Variants in SLC9A8 observed in about 807,000 individuals in gnomAD.
SLC9A8 encodes solute carrier family 9 member A8, also known as sodium/hydrogen exchanger 8.
A neutral mutation model predicts 66.6 loss-of-function variants in SLC9A8; 48 were observed. The observed-to-expected ratio is 0.72, with a 90% confidence interval of 0.57 to 0.92. SLC9A8 has a LOEUF of 0.92. Among genes scored for constraint, SLC9A8 ranks in the 40% least tolerant of loss-of-function variants. SLC9A8 has a pLI of 0.00. For synonymous variants in SLC9A8, 274 were observed against 282.6 expected (o/e 0.97, Z 0.31); for missense variants, 599 against 747.3 (o/e 0.80, Z 2.31).
intron 15 of SLC9A8, among the ~76,000 whole-genome samples, chr20:49,887,433 C>T (rs1417839954): frequency 1.3e-5 from 2 of 152,296 alleles, no homozygotes; most frequent in Non-Finnish European, 2.9e-5. Context: ...ACTGTGACCA[C>T]GACCGCTTCC....
intron 15 of SLC9A8, among the ~76,000 whole-genome samples, 167 bp downstream of exon 15, chr20:49,887,065 C>T (rs779614435): frequency 3.9e-5 from 6 of 152,210 alleles, no homozygotes; most frequent in Non-Finnish European, 5.9e-5. Flanking sequence ...TTGTGGAACT[C>T]GGCATCTGCT....
intron 6 of SLC9A8, among the ~76,000 whole-genome samples, chr20:49,850,086 T>C (rs1220987494): frequency 1.3e-5 from 2 of 152,224 alleles, no homozygotes; most frequent in Non-Finnish European, 2.9e-5. Context: ...ATCAAAGATG[T>C]GCTTTTCTGC....
At chr20:49,885,825 G>A (rs941847763) in intron 14 of SLC9A8, among the ~76,000 whole-genome samples, 4 of 152,130 alleles carry the variant, frequency 2.6e-5, no homozygotes, top group African/African-American at 7.2e-5. Flanking sequence ...ACAGACTCCC[G>A]AGCCTGTCCT....
rs2089773168 is a variant in SLC9A8 at position 49,884,261 on chromosome 20, C to CACACACACACACA, written c.1491+207_1491+208insAACACACACACAC. The CACACACACACACA allele has an allele frequency of 1.1e-5, 3 of 283,658 alleles. 1 individual carries two copies. The African/African-American group carries it at 1.6e-4, about 16-fold the overall frequency. The allele number at this position is 283,658 out of a possible 1,614,324, so 17.6% of individuals were successfully genotyped here. ...ACACACGACACACACACACACACGACACACACACACACGACACACACACAC... is the reference window on the plus strand; with the variant it reads ...ACACACGACACACACACACACACGACACACACACACACAACACACACACACGACACACACACAC... On this transcript the variant is annotated intron_variant, in intron 14 of 15. Coordinates refer to ENST00000361573, the MANE Select transcript of SLC9A8 (RefSeq NM_015266.3).
chr20:49,828,238 G>A (rs1046174200), intron 3 of SLC9A8, among the ~76,000 whole-genome samples: 4 of 151,598 alleles, frequency 2.6e-5, no homozygotes, highest in African/African-American at 9.7e-5. Context: ...CTGCCACCAC[G>A]CCCAGCTAAT....
rs777345422 is a variant in SLC9A8, at chr20:49,887,988, GCA to G, written c.*55_*56del. 5 of 1,397,974 alleles carry G rather than the reference GCA, an allele frequency of 3.6e-6. No individual in the cohort carries two copies. The African/African-American group carries it at 4.2e-5, about 12-fold the overall frequency. 86.6% of individuals were successfully genotyped at this position (1,397,974 alleles called of 1,614,324 possible). A position where few individuals can be genotyped will look rare whatever the true frequency, so the allele number is the denominator to read the frequency against. ...CAGGCCCAGGATGGGCGTTTGCTGCGCACAGACACTCAGCAGGGGCCTCGCAG... is the reference window on the plus strand; with the variant it reads ...CAGGCCCAGGATGGGCGTTTGCTGCGCAGACACTCAGCAGGGGCCTCGCAG... On this transcript the variant is annotated 3_prime_UTR_variant, in exon 16 of 16. Transcript: ENST00000361573.
At chr20:49,813,935 C>T (rs1222320857) in intron 1 of SLC9A8, among the ~76,000 whole-genome samples, 1 of 152,172 alleles carries the variant, frequency 6.6e-6, no homozygotes, top group African/African-American at 2.4e-5. Flanking sequence ...CAAAAGTCAT[C>T]TCCATACCTG....
Position 49,884,274 on chromosome 20 carries a change from G to GACAC in SLC9A8, c.1491+219_1491+222dup, listed in dbSNP as rs1202309628. On this transcript the variant is annotated intron_variant, in intron 14 of 15. Transcript: ENST00000361573. ...ACACACACACGACACACACACACAC[G>GACAC]ACACACACACACACGACACACACAC... The GACAC allele has an allele frequency of 7.3e-4, 88 of 120,582 alleles. 10 individuals carry two copies. In the African/African-American group the frequency reaches 8.5e-3, roughly 12 times the overall value. The allele number at this position is 120,582 out of a possible 1,614,324, so 7.5% of individuals were successfully genotyped here. A position where few individuals can be genotyped will look rare whatever the true frequency, so the allele number is the denominator to read the frequency against.
At chr20:49,849,722 C>A in intron 6 of SLC9A8, 42 bp downstream of exon 6, 2 of 1,486,584 alleles carry the variant, frequency 1.3e-6, no homozygotes, top group Non-Finnish European at 1.9e-6. Context: ...GTCTTACATT[C>A]TTAGAGCTAG....
At chr20:49,820,602 A>G (rs1441848428) in intron 2 of SLC9A8, among the ~76,000 whole-genome samples, 1 of 152,028 alleles carries the variant, frequency 6.6e-6, no homozygotes, top group Non-Finnish European at 1.5e-5. Flanking sequence ...GCTAGAGTGC[A>G]GTGGCATGAT....
intron 10 of SLC9A8, among the ~76,000 whole-genome samples, chr20:49,873,482 C>CA (rs3092533): frequency 0.095 from 9,784 of 102,976 alleles, 463 homozygotes; most frequent in African/African-American, 0.11. Flanking sequence ...ACCCTGTCTC[C>CA]AAAAAAAAAA....
At chr20:49,847,386 T>C (rs924928845) in intron 5 of SLC9A8, among the ~76,000 whole-genome samples, 4 of 150,144 alleles carry the variant, frequency 2.7e-5, no homozygotes, top group South Asian at 4.2e-4. Context: ...TCTTTTCTTT[T>C]TTTTTTTTTT....
intron 3 of SLC9A8, among the ~76,000 whole-genome samples, chr20:49,824,703 A>G (rs1473320832): frequency 1.3e-5 from 2 of 152,190 alleles, no homozygotes; most frequent in Non-Finnish European, 2.9e-5. Context: ...GTGGCTTACC[A>G]AAGAGTCATT....
At chr20:49,854,502 TCCCACA>T (rs1044900443) in intron 7 of SLC9A8, among the ~76,000 whole-genome samples, 5 of 151,938 alleles carry the variant, frequency 3.3e-5, no homozygotes, top group Non-Finnish European at 7.4e-5. Context: ...TCTAAGTGGC[TCCCACA>T]CCCACACCCC....
At chr20:49,817,655 G>T (rs919459739) in intron 2 of SLC9A8, among the ~76,000 whole-genome samples, 2 of 151,792 alleles carry the variant, frequency 1.3e-5, no homozygotes, top group African/African-American at 2.4e-5. Context: ...TTAATAATAC[G>T]GTCTTTTTAT....
intron 2 of SLC9A8, among the ~76,000 whole-genome samples, chr20:49,818,266 G>T (rs2086625363): frequency 6.6e-6 from 1 of 152,058 alleles, no homozygotes; most frequent in Non-Finnish European, 1.5e-5. Flanking sequence ...TCTCCAAACA[G>T]ATTATAAACC....
intron 13 of SLC9A8, among the ~76,000 whole-genome samples, chr20:49,881,894 T>C (rs1453185423): frequency 6.6e-6 from 1 of 152,046 alleles, no homozygotes; most frequent in East Asian, 1.9e-4. Flanking sequence ...GTTTTTGAAG[T>C]GATGTGGGCT....
In SLC9A8 at chr20:49,834,331, G is replaced by GTGTATATATATATATAC. The variant is rs1568812689; in HGVS notation, c.290-5189_290-5173dup. On this transcript the variant is annotated intron_variant, in intron 3 of 15. Coordinates refer to ENST00000361573, the MANE Select transcript of SLC9A8 (RefSeq NM_015266.3). The stretch of plus-strand genomic sequence containing the variant: ...TACAGTGTGTATATATATATATACT[G>GTGTATATATATATATAC]TGTATATATATATATACTGTATATA... 1.4e-4 allele frequency among the ~76,000 whole-genome samples: 12 copies of GTGTATATATATATATAC among 83,484 alleles called. 1 individual carries two copies. Among genetic ancestry groups the GTGTATATATATATATAC allele is most frequent in the Non-Finnish European group, 2.2e-4 (9 of 41,362 alleles). The allele number at this position is 83,484 out of a possible 152,430, so 54.8% of individuals were successfully genotyped here.
intron 11 of SLC9A8, among the ~76,000 whole-genome samples, chr20:49,875,302 A>C (rs2089382683): frequency 6.6e-6 from 1 of 152,078 alleles, no homozygotes; most frequent in Admixed American, 6.6e-5. Flanking sequence ...GAAAGAAAGA[A>C]AAACAAAGCT....
Sources: allele counts gnomAD v4.1 joint callset (sites outside exome capture counted in the v4.1 genomes callset), GRCh38; gene constraint gnomAD v4.1.1; transcripts MANE v1.5; gene names NCBI Gene and HGNC (gene_info 2026-07-23, HGNC 2026-07-21).